ROCK2: variants seen among roughly 807,000 people sequenced by gnomAD.
ROCK2 encodes the protein rho-associated protein kinase 2.
ROCK2 carries 61 observed loss-of-function variants against 195.1 expected under a neutral mutation model. The ratio of observed to expected loss-of-function variants is 0.31; its 90% CI spans 0.25 to 0.39. The LOEUF (loss-of-function observed/expected upper bound fraction) is 0.39. Ranked by LOEUF, ROCK2 falls within the 10% of genes least tolerant of loss-of-function variation. ROCK2 has a pLI of 1.00. For synonymous variants in ROCK2, 504 were observed against 545.5 expected (o/e 0.92, Z 1.06); for missense variants, 1,109 against 1,637.4 (o/e 0.68, Z 5.57).
intron 1 of ROCK2, among the ~76,000 whole-genome samples, chr2:11,315,823 T>TA (rs1258236962): frequency 2.0e-5 from 3 of 152,074 alleles, no homozygotes; most frequent in Admixed American, 6.6e-5. Flanking sequence ...ATATCTAAAA[T>TA]AGAGTTGTAC....
At chr2:11,205,918 G>A (rs111691668) in intron 20 of ROCK2, among the ~76,000 whole-genome samples, 100 of 152,170 alleles carry the variant, frequency 6.6e-4, no homozygotes, top group African/African-American at 2.3e-3. Flanking sequence ...AGACCACCCT[G>A]GCCAACATGG....
intron 32 of ROCK2, chr2:11,184,896 C>T (rs374779081): frequency 2.1e-5 from 8 of 374,626 alleles, no homozygotes; most frequent in African/African-American, 1.5e-4. Context: ...TGGATAACAA[C>T]AAGATTAAAA....
At position 11,222,178 on chromosome 2, in the gene ROCK2, A is replaced by C; in HGVS notation, c.1008-4T>G. On this transcript the variant is annotated splice_polypyrimidine_tract_variant and splice_region_variant and intron_variant, in intron 7 of 32. Transcript: ENST00000315872. ...ATTTCTCCCAAGTCGTACCTCCCTA[A>C]ACAATGCAGTTAAAGATTGTATTAT... is the stretch of plus-strand genomic sequence containing the variant. 1 of 1,541,532 alleles carries C rather than the reference A, an allele frequency of 6.5e-7. No individual in the cohort carries two copies. Among genetic ancestry groups the C allele is most frequent in the Non-Finnish European group, 8.9e-7 (1 of 1,118,810 alleles).
chr2:11,296,251 T>C (rs943631052), intron 1 of ROCK2, among the ~76,000 whole-genome samples: 2 of 152,160 alleles, frequency 1.3e-5, no homozygotes, highest in African/African-American at 4.8e-5. Flanking sequence ...GATAGATAGC[T>C]AAGCTACTCT....
chr2:11,226,915 A>C (rs1407877754), intron 6 of ROCK2, among the ~76,000 whole-genome samples: 4 of 55,080 alleles, frequency 7.3e-5, no homozygotes, highest in South Asian at 8.5e-4. Context: ...TGCCTCAGAA[A>C]AAAAAAAAAA....
At chr2:11,303,399 T>A (rs1667764600) in intron 1 of ROCK2, among the ~76,000 whole-genome samples, 1 of 152,228 alleles carries the variant, frequency 6.6e-6, no homozygotes, top group Admixed American at 6.5e-5. Context: ...CGTTCCTGCA[T>A]CTGTGCCCAC....
At chr2:11,189,228 C>A (rs1663323774) in intron 32 of ROCK2, among the ~76,000 whole-genome samples, 1 of 152,162 alleles carries the variant, frequency 6.6e-6, no homozygotes, top group African/African-American at 2.4e-5. Context: ...TCAACTAAAG[C>A]TAGATTGACT....
In ROCK2 at chr2:11,192,801, T is replaced by C. The variant is rs1371072922; in HGVS notation, c.3688-89A>G. On this transcript the variant is annotated intron_variant, in intron 30 of 32. Transcript: ENST00000315872. The surrounding 1 kb of genome is among the most constrained non-coding windows in gnomAD (Gnocchi z 5.0). Reference sequence around the variant, plus strand: ...TCTGATAGTGTAAGTAAAATAAAATTAGCCTAAATTATTCAAAGAGAAGAA... The same window carrying C: ...TCTGATAGTGTAAGTAAAATAAAATCAGCCTAAATTATTCAAAGAGAAGAA... The C allele has an allele frequency of 4.0e-5, 54 of 1,362,812 alleles. No homozygotes were observed. Among genetic ancestry groups the C allele is most frequent in the Admixed American group, 9.8e-5 (4 of 40,830 alleles). 84.4% of individuals were successfully genotyped at this position (1,362,812 alleles called of 1,614,324 possible). A position where few individuals can be genotyped will look rare whatever the true frequency, so the allele number is the denominator to read the frequency against.
chr2:11,265,005 C>T (rs1666365578), intron 3 of ROCK2, among the ~76,000 whole-genome samples: 1 of 152,172 alleles, frequency 6.6e-6, no homozygotes, highest in South Asian at 2.1e-4. Context: ...AACCACTTAG[C>T]AGCTATGTGA....
At chr2:11,305,610 T>G (rs1667836173) in intron 1 of ROCK2, among the ~76,000 whole-genome samples, 1 of 152,158 alleles carries the variant, frequency 6.6e-6, no homozygotes, top group Non-Finnish European at 1.5e-5. Context: ...TAAAAGGAAC[T>G]AGGGCTCCTT....
At chr2:11,234,128 A>G (rs1417936543) in intron 5 of ROCK2, 5 of 152,080 alleles carry the variant, frequency 3.3e-5, no homozygotes, top group Non-Finnish European at 7.4e-5. Context: ...AAAAATAAAT[A>G]AAAGTAAAAA....
intron 3 of ROCK2, among the ~76,000 whole-genome samples, chr2:11,276,239 A>G (rs1014034355): frequency 6.6e-6 from 1 of 152,216 alleles, no homozygotes; most frequent in African/African-American, 2.4e-5. Flanking sequence ...AAATAAAACT[A>G]TCTTTGTCCA....
chr2:11,214,332 T>C (rs958870880), intron 17 of ROCK2, 25 bp downstream of exon 17: 24 of 1,332,118 alleles, frequency 1.8e-5, no homozygotes, highest in Non-Finnish European at 2.3e-5. Context: ...AATTTTCTTA[T>C]GCAAAAATAT....
At chr2:11,263,781 AGGCAGCCT>A (rs1304930571) in intron 3 of ROCK2, among the ~76,000 whole-genome samples, 12 of 151,688 alleles carry the variant, frequency 7.9e-5, no homozygotes, top group Non-Finnish European at 1.6e-4. Context: ...ACACCTTAAA[AGGCAGCCT>A]GGAGGGCCAG....
intron 1 of ROCK2, among the ~76,000 whole-genome samples, chr2:11,312,530 AT>A (rs1668069171): frequency 6.6e-6 from 1 of 152,144 alleles, no homozygotes; most frequent in Non-Finnish European, 1.5e-5. Context: ...ATTAATGTAA[AT>A]GAAATCAAAT....
intron 30 of ROCK2, 30 bp downstream of exon 30, chr2:11,193,749 C>T (rs1029598840): frequency 2.6e-5 from 36 of 1,371,788 alleles, no homozygotes; most frequent in Non-Finnish European, 3.6e-5. Context: ...ACAAAGCCAA[C>T]CAACCAAATA....
In ROCK2 at chr2:11,201,654, T is replaced by G. The variant is rs116449674; in HGVS notation, c.2620-241A>C. On this transcript the variant is annotated intron_variant, in intron 21 of 32. Coordinates refer to ENST00000315872, the MANE Select transcript of ROCK2 (RefSeq NM_004850.5). This position sits in a 1 kb window ranked among gnomAD's most constrained non-coding sequence, Gnocchi z 4.6. ...GGATATCACAGTGATATTTCTCATT[T>G]AATAGCACAGATAGGTAAAATGAAT... Among the ~76,000 whole-genome samples the G allele has an allele frequency of 3.0e-3, 461 of 152,310 alleles. 2 individuals carry two copies. Among genetic ancestry groups the G allele is most frequent in the African/African-American group, 9.9e-3 (410 of 41,572 alleles).
At chr2:11,340,791 T>C (rs1038757833) in intron 1 of ROCK2, among the ~76,000 whole-genome samples, 1 of 152,184 alleles carries the variant, frequency 6.6e-6, no homozygotes, top group Non-Finnish European at 1.5e-5. Flanking sequence ...CACTGAAAAT[T>C]GTAAACAAAG....
At chr2:11,272,041 A>T (rs113663297) in intron 3 of ROCK2, among the ~76,000 whole-genome samples, 11,138 of 150,076 alleles carry the variant, frequency 0.074, 613 homozygotes, top group African/African-American at 0.15. Context: ...AAAAAAGTAG[A>T]ATTGAAAGGT....
Sources: allele counts gnomAD v4.1 joint callset (sites outside exome capture counted in the v4.1 genomes callset), GRCh38; gene constraint gnomAD v4.1.1; non-coding constraint Gnocchi (gnomAD v3.1); transcripts MANE v1.5; gene names NCBI Gene and HGNC (gene_info 2026-07-23, HGNC 2026-07-21).